Variants in CLRN3 observed in about 807,000 individuals in gnomAD.
CLRN3 encodes clarin-3.
CLRN3 carries 12 observed loss-of-function variants against 16.7 expected under a neutral mutation model. The observed-to-expected ratio is 0.72, with a 90% confidence interval of 0.46 to 1.16. The LOEUF (loss-of-function observed/expected upper bound fraction) is 1.16, where lower values mean the gene tolerates loss of function less well. CLRN3 is among the 50% of genes most tolerant of loss of function. The pLI, the probability that CLRN3 is intolerant of heterozygous loss-of-function variation, is 0.00. For missense variants in CLRN3, 296 were observed against 274.2 expected (o/e 1.08, Z -0.56); for synonymous variants, 118 against 113.0 (o/e 1.04, Z -0.28).
At chr10:127,883,420 G>T (rs544534752) in intron 2 of CLRN3, among the ~76,000 whole-genome samples, 5 of 152,304 alleles carry the variant, frequency 3.3e-5, no homozygotes, top group African/African-American at 1.2e-4. Context: ...TGACTTTTGT[G>T]CATTTTGACT....
chr10:127,882,901 C>T (rs552515474), intron 2 of CLRN3, among the ~76,000 whole-genome samples: 2 of 152,176 alleles, frequency 1.3e-5, no homozygotes, highest in Admixed American at 1.3e-4. Flanking sequence ...AGCAAAAGGC[C>T]CTGAAGGCAG....
chr10:127,883,945 C>A, intron 1 of CLRN3, 70 bp from the exon 2 acceptor site: 1 of 1,416,648 alleles, frequency 7.1e-7, no homozygotes, highest in Non-Finnish European at 1.0e-6. Flanking sequence ...TTCCTCCCCA[C>A]CCTACCCTCT....
At position 127,878,114 on chromosome 10, in the gene CLRN3, A is replaced by G. The variant is rs1236705038; in HGVS notation, c.*35T>C. 2 of 1,604,344 alleles carry G rather than the reference A, an allele frequency of 1.2e-6. No homozygotes were observed. The highest frequency in any genetic ancestry group is 2.2e-5 in the East Asian group (1 of 44,656). On this transcript the variant is annotated 3_prime_UTR_variant, in exon 3 of 3. Transcript: ENST00000368671. ...CAGTTACTACTCAGGGCTGATGTAC[A>G]ATAGATGCAACGCCAAAATGAGATG...
chr10:127,886,619 C>T (rs535631722), intron 1 of CLRN3, among the ~76,000 whole-genome samples: 5 of 152,308 alleles, frequency 3.3e-5, no homozygotes, highest in East Asian at 3.9e-4. Flanking sequence ...AATGTGGATA[C>T]GCCTCACAGC....
chr10:127,883,182 C>A (rs772945735), intron 2 of CLRN3, among the ~76,000 whole-genome samples: 1 of 152,180 alleles, frequency 6.6e-6, no homozygotes, highest in South Asian at 2.1e-4. Context: ...CTCTGTGGCA[C>A]GACCATGCAG....
chr10:127,878,500 T>A (rs1293161835), intron 2 of CLRN3, 80 bp from the exon 3 acceptor site: 1 of 1,557,938 alleles, frequency 6.4e-7, no homozygotes, highest in Non-Finnish European at 8.7e-7. Context: ...CACATATATA[T>A]GGGAATGTAT....
At chr10:127,885,452 G>A (rs112855183) in intron 1 of CLRN3, among the ~76,000 whole-genome samples, 2,875 of 152,326 alleles carry the variant, frequency 0.019, 47 homozygotes, top group Middle Eastern at 0.041. Flanking sequence ...TTTGAGGAGG[G>A]ATATAAATCC....
At chr10:127,888,527 T>C (rs1029973557) in intron 1 of CLRN3, among the ~76,000 whole-genome samples, 1 of 152,242 alleles carries the variant, frequency 6.6e-6, no homozygotes, top group Non-Finnish European at 1.5e-5. Context: ...CATTAGTTTC[T>C]GCAGAAGGTC....
intron 1 of CLRN3, among the ~76,000 whole-genome samples, chr10:127,885,848 C>T (rs954902930): frequency 2.9e-4 from 44 of 152,066 alleles, no homozygotes; most frequent in Non-Finnish European, 3.2e-4. Context: ...CTCCGCCTCC[C>T]GGGTTCAAGC....
At chr10:127,878,694 G>T (rs1296386632) in intron 2 of CLRN3, among the ~76,000 whole-genome samples, 1 of 152,210 alleles carries the variant, frequency 6.6e-6, no homozygotes, top group African/African-American at 2.4e-5. Flanking sequence ...ACCAAACAGC[G>T]CACTTCCTAG....
In CLRN3 at chr10:127,878,290, C is replaced by G. The variant is rs1326547005; in HGVS notation, c.540G>C (p.Ser180=). The change falls in exon 3 of 3, where the codon TCG becomes TCC. Residue 180 remains serine (S), a synonymous_variant. Coordinates refer to ENST00000368671, the MANE Select transcript of CLRN3 (RefSeq NM_152311.5). ...SKGTTHSYGY[S]FWLILLVILL... is the part of the protein sequence containing the mutation. ...GAATGACGAGCAGTATGAGCCAGAA[C>G]GAGTATCCGTAACTGTGGGTCGTTC... 1 of 1,614,152 alleles carries G rather than the reference C, an allele frequency of 6.2e-7. No homozygotes were observed. Among genetic ancestry groups the G allele is most frequent in the African/African-American group, 1.3e-5 (1 of 75,020 alleles).
rs181313977 is a variant in CLRN3, at chr10:127,890,410, T to C, written c.229+2146A>G. On this transcript the variant is annotated intron_variant, in intron 1 of 2. Coordinates refer to ENST00000368671, the MANE Select transcript of CLRN3 (RefSeq NM_152311.5). ...ATTGACCAATGTTGGCTGAATTATT[T>C]TGGCACTTTGAAATCAGCTGTCATT... 2.0e-5 allele frequency among the ~76,000 whole-genome samples: 3 copies of C among 152,284 alleles called. No individual in the cohort carries two copies. The East Asian group carries it at 5.8e-4, about 29-fold the overall frequency.
At chr10:127,882,862 G>A (rs1384834507) in intron 2 of CLRN3, among the ~76,000 whole-genome samples, 1 of 152,190 alleles carries the variant, frequency 6.6e-6, no homozygotes, top group Non-Finnish European at 1.5e-5. Flanking sequence ...GAGAGGGAAA[G>A]AACAGGAGAA....
intron 1 of CLRN3, among the ~76,000 whole-genome samples, chr10:127,889,520 A>T (rs2135085993): frequency 6.6e-6 from 1 of 152,090 alleles, no homozygotes; most frequent in Admixed American, 6.5e-5. Flanking sequence ...GCTACTAGGG[A>T]GGCTGAGGCA....
At chr10:127,882,386 A>T (rs1845138766) in intron 2 of CLRN3, among the ~76,000 whole-genome samples, 1 of 152,118 alleles carries the variant, frequency 6.6e-6, no homozygotes, top group Admixed American at 6.5e-5. Context: ...ATGCTTTTCC[A>T]TTTTAAAAAG....
chr10:127,879,473 C>T (rs1014951050), intron 2 of CLRN3, among the ~76,000 whole-genome samples: 63 of 152,098 alleles, frequency 4.1e-4, no homozygotes, highest in African/African-American at 1.4e-3. Context: ...TCAGAGAGAA[C>T]AGGATTGGAA....
chr10:127,887,014 CT>C (rs1422978392), intron 1 of CLRN3, among the ~76,000 whole-genome samples: 9 of 152,226 alleles, frequency 5.9e-5, no homozygotes, highest in African/African-American at 2.2e-4. Context: ...GGGCTGGGAC[CT>C]TTTTTTCCAT....
At chr10:127,880,164 A>G (rs759071744) in intron 2 of CLRN3, among the ~76,000 whole-genome samples, 1 of 152,232 alleles carries the variant, frequency 6.6e-6, no homozygotes, top group Non-Finnish European at 1.5e-5. Flanking sequence ...CAGGTGCCTC[A>G]CAGCCTTAAT....
chr10:127,889,712 C>T (rs1011196728), intron 1 of CLRN3, among the ~76,000 whole-genome samples: 5 of 152,200 alleles, frequency 3.3e-5, no homozygotes, highest in African/African-American at 1.2e-4. Flanking sequence ...CTGGTCAGTG[C>T]GTAGGCTGAG....
Sources: allele counts gnomAD v4.1 joint callset (sites outside exome capture counted in the v4.1 genomes callset), GRCh38; gene constraint gnomAD v4.1.1; transcripts MANE v1.5; gene names NCBI Gene and HGNC (gene_info 2026-07-23, HGNC 2026-07-21).